The following KCNC1 variants were observed in gnomAD, a reference collection of about 807,000 sequenced individuals.
The protein encoded by KCNC1 is voltage-gated potassium channel KCNC1.
KCNC1 carries 8 observed loss-of-function variants against 43.4 expected under a neutral mutation model. That is an observed-to-expected ratio of 0.18 (90% CI 0.11 to 0.33). The LOEUF is 0.33. Ranked by LOEUF, KCNC1 falls within the 10% of genes least tolerant of loss-of-function variation. The pLI is 1.00. For missense variants in KCNC1, 420 were observed against 836.0 expected (o/e 0.50, Z 6.14); for synonymous variants, 361 against 360.5 (o/e 1.00, Z -0.01).
chr11:17,766,988 G>T (rs1849157835), intron 1 of KCNC1, among the ~76,000 whole-genome samples: 4 of 122,210 alleles, frequency 3.3e-5, no homozygotes, highest in Admixed American at 1.7e-4. Context: ...AAAAAAATTA[G>T]CCGGGCGTGG....
chr11:17,740,494 C>A, intron 1 of KCNC1, among the ~76,000 whole-genome samples: 1 of 152,058 alleles, frequency 6.6e-6, no homozygotes, highest in East Asian at 1.9e-4. Context: ...GGCTGCCTGG[C>A]TTGAAACCTG....
intron 1 of KCNC1, among the ~76,000 whole-genome samples, chr11:17,757,323 T>C (rs1849033860): frequency 6.6e-6 from 1 of 152,204 alleles, no homozygotes; most frequent in Non-Finnish European, 1.5e-5. Context: ...GCAGGAGGGA[T>C]GTCTCAGGGG....
chr11:17,740,164 A>T (rs536687829), intron 1 of KCNC1, among the ~76,000 whole-genome samples: 1 of 152,290 alleles, frequency 6.6e-6, no homozygotes, highest in East Asian at 1.9e-4. Context: ...CTGAGGGGCA[A>T]GAGTGCCGGC....
chr11:17,774,041 C>T, intron 2 of KCNC1: 1 of 985,536 alleles, frequency 1.0e-6, no homozygotes, highest in Non-Finnish European at 1.2e-6. Context: ...TGGCTTTACC[C>T]CACAGCTATG....
In KCNC1 at chr11:17,739,965, C is replaced by T. The variant is rs550191518; in HGVS notation, c.570+3393C>T. 6.6e-6 allele frequency among the ~76,000 whole-genome samples: 1 copy of T among 152,290 alleles called. No individual in the cohort carries two copies. The highest frequency in any genetic ancestry group is 2.4e-5 in the African/African-American group (1 of 41,562). On this transcript the variant is annotated intron_variant, in intron 1 of 3. Transcript: ENST00000265969. This position sits in a 1 kb window ranked among gnomAD's most constrained non-coding sequence, Gnocchi z 4.2. ...CTGCCCACTGCCTCAGTCTCTGGGA[C>T]TCCGGAGTGGCCTAACTGAGGGCAT...
In KCNC1 at chr11:17,777,703, G is replaced by A. The variant is rs202010404; in HGVS notation, c.1505-1753G>A. 11 of 985,862 alleles carry A rather than the reference G, an allele frequency of 1.1e-5. No individual in the cohort carries two copies. Among genetic ancestry groups the A allele is most frequent in the Non-Finnish European group, 1.3e-5 (11 of 829,966 alleles). The allele number at this position is 985,862 out of a possible 1,614,324, so 61.1% of individuals were successfully genotyped here. On this transcript the variant is annotated intron_variant, in intron 2 of 3. Transcript: ENST00000265969. This position sits in a 1 kb window ranked among gnomAD's most constrained non-coding sequence, Gnocchi z 4.3. Reference sequence around the variant, plus strand: ...AAGTGAAGCCCCTGGGATTTGTCGAGAAACGCACTGTACGTGAAATGCTTT... The same window carrying A: ...AAGTGAAGCCCCTGGGATTTGTCGAAAAACGCACTGTACGTGAAATGCTTT...
chr11:17,772,701 C>G, intron 2 of KCNC1, 103 bp downstream of exon 2: 3 of 1,531,804 alleles, frequency 2.0e-6, no homozygotes, highest in Non-Finnish European at 2.6e-6. Flanking sequence ...CCGTGGGTGA[C>G]CCCGGACCCC....
Position 17,771,644 on chromosome 11 carries a change from ACT to A in KCNC1, c.571-20_571-19del, listed in dbSNP as rs761737637. 3.1e-6 allele frequency: 5 copies of A among 1,588,644 alleles called. No individual in the cohort carries two copies. Among genetic ancestry groups the A allele is most frequent in the Non-Finnish European group, 3.4e-6 (4 of 1,162,600 alleles). On this transcript the variant is annotated intron_variant, in intron 1 of 3. Transcript: ENST00000265969. This position sits in a 1 kb window ranked among gnomAD's most constrained non-coding sequence, Gnocchi z 4.7. ...CACTCTGGGTGGGCCTCCCTCTGAC[ACT>A]GTGTCTTTATCCCCACAGTATGTGG...
rs1849317973 is a variant in KCNC1 at position 17,779,081 on chromosome 11, CCTGAGCT to C, written c.1505-371_1505-365del. 1 of 176,800 alleles carries C rather than the reference CCTGAGCT, an allele frequency of 5.7e-6. No individual in the cohort carries two copies. Among genetic ancestry groups the C allele is most frequent in the South Asian group, 1.7e-4 (1 of 5,988 alleles). 11.0% of individuals were successfully genotyped at this position (176,800 alleles called of 1,614,324 possible). ...TTTCTGCGTGTCTGTCTGTCTTCTCCCTGAGCTCTGTGTCTGGCTCTCCCCCATGACT... is the reference window on the plus strand; with the variant it reads ...TTTCTGCGTGTCTGTCTGTCTTCTCCCTGTGTCTGGCTCTCCCCCATGACT... On this transcript the variant is annotated intron_variant, in intron 2 of 3. Transcript: ENST00000265969. The surrounding 1 kb of genome is among the most constrained non-coding windows in gnomAD (Gnocchi z 7.2).
intron 2 of KCNC1, among the ~76,000 whole-genome samples, chr11:17,778,461 G>C (rs550186835): frequency 6.6e-6 from 1 of 152,380 alleles, no homozygotes; most frequent in South Asian, 2.1e-4. Context: ...ACAGAGGAAT[G>C]GGAGCCCCTC....
At position 17,781,608 on chromosome 11, in the gene KCNC1, C is replaced by T. The variant is rs1376976662; in HGVS notation, c.1694-62C>T. 2.6e-6 allele frequency: 3 copies of T among 1,152,460 alleles called. No individual in the cohort carries two copies. Among genetic ancestry groups the T allele is most frequent in the Non-Finnish European group, 3.8e-6 (3 of 787,016 alleles). The allele number at this position is 1,152,460 out of a possible 1,614,324, so 71.4% of individuals were successfully genotyped here. ...CCTCCTCCTTCTTAAAAACTAAGTA[C>T]CAAGCGGGATGGGAGAGCCAAGAAG... On this transcript the variant is annotated intron_variant, in intron 3 of 3. Coordinates refer to ENST00000265969, the MANE Select transcript of KCNC1 (RefSeq NM_001112741.2). The surrounding 1 kb of genome is among the most constrained non-coding windows in gnomAD (Gnocchi z 5.1).
At chr11:17,740,051 G>A (rs1486345251) in intron 1 of KCNC1, among the ~76,000 whole-genome samples, 2 of 152,204 alleles carry the variant, frequency 1.3e-5, no homozygotes, top group Non-Finnish European at 2.9e-5. Context: ...GGGACGGGTG[G>A]TGAGGTCACC....
At position 17,779,479 on chromosome 11, in the gene KCNC1, G is replaced by A. The variant is rs1336639329; in HGVS notation, c.1528G>A (p.Ala510Thr). Residue 510 changes from alanine (A) to threonine (T), a missense_variant, in exon 3 of 4, where the codon GCG (alanine) becomes ACG (threonine). By Grantham distance (58) the Ala-to-Thr change is moderately conservative. Coordinates refer to ENST00000265969, the MANE Select transcript of KCNC1 (RefSeq NM_001112741.2). This position sits in a 1 kb window ranked among gnomAD's most constrained non-coding sequence, Gnocchi z 7.2. Reference sequence around the variant, plus strand: ...AGATTCCAAACTGAATGGGGAGGTGGCGAAGGCCGCGCTGGCGAACGAAGA... The same window carrying A: ...AGATTCCAAACTGAATGGGGAGGTGACGAAGGCCGCGCTGGCGAACGAAGA... Reference protein sequence around the residue: ...RADSKLNGEVAKAALANEDCP... With the variant: ...RADSKLNGEVTKAALANEDCP... The A allele has an allele frequency of 1.4e-5, 21 of 1,549,428 alleles. No individual in the cohort carries two copies. The highest frequency in any genetic ancestry group is 1.8e-5 in the Non-Finnish European group (21 of 1,146,150).
intron 1 of KCNC1, among the ~76,000 whole-genome samples, chr11:17,744,298 C>G (rs550690812): frequency 6.6e-6 from 1 of 152,302 alleles, no homozygotes; most frequent in African/African-American, 2.4e-5. Context: ...CCCTATTTCT[C>G]CTTCTCTCTC....
Position 17,779,026 on chromosome 11 carries a change from T to G in KCNC1, c.1505-430T>G, listed in dbSNP as rs1590109604. 1 of 156,642 alleles carries G rather than the reference T, an allele frequency of 6.4e-6. No individual in the cohort carries two copies. Among genetic ancestry groups the G allele is most frequent in the Non-Finnish European group, 1.4e-5 (1 of 71,262 alleles). 9.7% of individuals were successfully genotyped at this position (156,642 alleles called of 1,614,324 possible). A position where few individuals can be genotyped will look rare whatever the true frequency, so the allele number is the denominator to read the frequency against. ...CGGGCTCTGGTCAGCAGCAGAGGGGTCCGGAAAGGCCCCTCTCTGGACTGG... is the reference window on the plus strand; with the variant it reads ...CGGGCTCTGGTCAGCAGCAGAGGGGGCCGGAAAGGCCCCTCTCTGGACTGG... On this transcript the variant is annotated intron_variant, in intron 2 of 3. Coordinates refer to ENST00000265969, the MANE Select transcript of KCNC1 (RefSeq NM_001112741.2). The surrounding 1 kb of genome is among the most constrained non-coding windows in gnomAD (Gnocchi z 7.2).
intron 1 of KCNC1, among the ~76,000 whole-genome samples, chr11:17,749,015 A>G (rs1848934255): frequency 6.6e-6 from 1 of 152,160 alleles, no homozygotes; most frequent in Non-Finnish European, 1.5e-5. Flanking sequence ...TTCCAGTCAC[A>G]CAGGCCTCCG....
rs1013954715 is a variant in KCNC1 at position 17,775,421 on chromosome 11, C to T, written c.1504+2823C>T. Reference sequence around the variant, plus strand: ...GTCTCCTCCTGTGTGCTGTGGCTGGCATGGCCTCAGTGTCTGAGGGCTTGT... The same window carrying T: ...GTCTCCTCCTGTGTGCTGTGGCTGGTATGGCCTCAGTGTCTGAGGGCTTGT... On this transcript the variant is annotated intron_variant, in intron 2 of 3. Transcript: ENST00000265969. 6 of 985,444 alleles carry T rather than the reference C, an allele frequency of 6.1e-6. No individual in the cohort carries two copies. In the Admixed American group the frequency reaches 3.1e-4, roughly 50 times the overall value. The allele number at this position is 985,444 out of a possible 1,614,324, so 61.0% of individuals were successfully genotyped here. A position where few individuals can be genotyped will look rare whatever the true frequency, so the allele number is the denominator to read the frequency against.
intron 1 of KCNC1, among the ~76,000 whole-genome samples, chr11:17,750,356 A>G (rs1848953051): frequency 6.6e-6 from 1 of 152,076 alleles, no homozygotes; most frequent in Non-Finnish European, 1.5e-5. Context: ...GTTGCCCACA[A>G]CCTCAGGGCC....
intron 1 of KCNC1, among the ~76,000 whole-genome samples, chr11:17,765,492 AG>A (rs1351200675): frequency 1.3e-5 from 2 of 152,232 alleles, no homozygotes; most frequent in African/African-American, 4.8e-5. Context: ...GATCGTTAGT[AG>A]GTTTGTCTGA....
Sources: gnomAD v4.1 joint callset for allele counts (sites outside exome capture counted in the v4.1 genomes callset) on GRCh38, gnomAD v4.1.1 for gene constraint, Gnocchi (gnomAD v3.1) non-coding constraint, MANE v1.5 for transcripts, NCBI Gene and HGNC (gene_info 2026-07-23, HGNC 2026-07-21) for gene names.